DMD: variants seen among roughly 807,000 people sequenced by gnomAD.
DMD encodes the protein dystrophin.
A neutral mutation model predicts 330.1 loss-of-function variants in DMD; 63 were observed. The observed-to-expected ratio is 0.19, with a 90% confidence interval of 0.16 to 0.24. The LOEUF is 0.24. Ranked by LOEUF, DMD falls within the 10% of genes least tolerant of loss-of-function variation. DMD has a pLI of 1.00. For synonymous variants in DMD, 1,223 were observed against 959.8 expected (o/e 1.27, Z -5.07); for missense variants, 3,344 against 2,684.1 (o/e 1.25, Z -5.43).
chrX:32,689,030 T>C (rs1386334276), intron 9 of DMD, among the ~76,000 whole-genome samples: 1 of 111,218 alleles, frequency 9.0e-6, no homozygotes, highest in Non-Finnish European at 1.9e-5. Flanking sequence ...AAGATTTTTT[T>C]GAAGATCAGA....
In DMD at chrX:33,009,221, C is replaced by T. The variant is rs1209148385; in HGVS notation, c.93+10918G>A. On this transcript the variant is annotated intron_variant, in intron 2 of 78. Transcript: ENST00000357033. ...ATATGTGTATATATACACATATGTG[C>T]ATATATGTGTATATATACACATGTG... Among the ~76,000 whole-genome samples the T allele has an allele frequency of 1.2e-3, 32 of 27,760 alleles. 6 individuals carry two copies. Among genetic ancestry groups the T allele is most frequent in the Non-Finnish European group, 1.9e-3 (26 of 13,942 alleles). The allele number at this position is 27,760 out of a possible 115,157, so 24.1% of individuals were successfully genotyped here.
chrX:32,234,103 G>A (rs1407333307), intron 43 of DMD, among the ~76,000 whole-genome samples: 1 of 111,561 alleles, frequency 9.0e-6, no homozygotes, highest in African/African-American at 3.3e-5. Context: ...CAGCAGGGAC[G>A]GCAGTGGTGA....
chrX:32,429,387 GTTTTTTTTTT>G (rs10692022), intron 29 of DMD, among the ~76,000 whole-genome samples: 23 of 44,202 alleles, frequency 5.2e-4, no homozygotes, highest in African/African-American at 1.9e-3. Context: ...TTTTTTTTGG[GTTTTTTTTTT>G]TTTTTTTTTT....
chrX:31,581,860 C>A (rs1316993704), intron 55 of DMD, among the ~76,000 whole-genome samples: 1 of 111,637 alleles, frequency 9.0e-6, no homozygotes, highest in East Asian at 2.8e-4. Flanking sequence ...CAGATGTTGA[C>A]CGTAAATTTC....
chrX:32,433,396 G>A (rs1210596250), intron 29 of DMD, among the ~76,000 whole-genome samples: 1 of 111,509 alleles, frequency 9.0e-6, no homozygotes, highest in Non-Finnish European at 1.9e-5. Flanking sequence ...ACCATATATC[G>A]GCCGGATGCG....
chrX:32,657,739 A>G (rs1352357173), intron 9 of DMD, among the ~76,000 whole-genome samples: 1 of 112,182 alleles, frequency 8.9e-6, no homozygotes, highest in Non-Finnish European at 1.9e-5. Context: ...AATTTAATTT[A>G]AAATAGGATA....
At chrX:31,407,641 T>A (rs1358952738) in intron 60 of DMD, among the ~76,000 whole-genome samples, 1 of 81,235 alleles carries the variant, frequency 1.2e-5, no homozygotes, top group Non-Finnish European at 2.2e-5. Flanking sequence ...CTGGCTAATT[T>A]TTTGTATTTT....
At chrX:32,876,093 C>T (rs2083355034) in intron 2 of DMD, among the ~76,000 whole-genome samples, 1 of 111,698 alleles carries the variant, frequency 9.0e-6, no homozygotes, top group Non-Finnish European at 1.9e-5. Flanking sequence ...CCCATCAATA[C>T]ATCAAAGACA....
intron 43 of DMD, among the ~76,000 whole-genome samples, chrX:32,225,250 C>A (rs1393574496): frequency 9.0e-6 from 1 of 111,514 alleles, no homozygotes; most frequent in African/African-American, 3.3e-5. Context: ...CTCAACTCTG[C>A]CTTGAAGTTC....
intron 16 of DMD, among the ~76,000 whole-genome samples, chrX:32,552,373 G>C (rs2049669219): frequency 9.0e-6 from 1 of 110,740 alleles, no homozygotes; most frequent in African/African-American, 3.3e-5. Flanking sequence ...ATGGGAAAAG[G>C]ACTGCCTATT....
chrX:32,864,475 T>A (rs1007188771), intron 2 of DMD, among the ~76,000 whole-genome samples: 4 of 112,479 alleles, frequency 3.6e-5, no homozygotes, highest in Admixed American at 9.5e-5. Context: ...GATAGTTTAA[T>A]ATATCTTTTC....
chrX:33,112,994 A>G (rs1164033381), intron 1 of DMD, among the ~76,000 whole-genome samples: 1 of 110,397 alleles, frequency 9.1e-6, no homozygotes, highest in Non-Finnish European at 1.9e-5. Context: ...TTAATTGCAT[A>G]CAAAAAAGAA....
At chrX:31,624,246 A>G (rs763736388) in intron 55 of DMD, among the ~76,000 whole-genome samples, 2 of 112,011 alleles carry the variant, frequency 1.8e-5, no homozygotes, top group Non-Finnish European at 3.8e-5. Flanking sequence ...AAATAACAAT[A>G]TTTATAAGAA....
At chrX:32,402,693 T>C (rs1466862922) in intron 30 of DMD, among the ~76,000 whole-genome samples, 2 of 111,815 alleles carry the variant, frequency 1.8e-5, no homozygotes, top group Non-Finnish European at 3.8e-5. Flanking sequence ...GTCTTTCCTT[T>C]TCATGTGAAG....
At chrX:32,353,386 C>T (rs1334670313) in intron 37 of DMD, among the ~76,000 whole-genome samples, 6 of 111,758 alleles carry the variant, frequency 5.4e-5, no homozygotes, top group Non-Finnish European at 1.1e-4. Flanking sequence ...ACAGCTCATT[C>T]TTGAGTCACC....
chrX:31,947,098 C>T (rs902110879), intron 45 of DMD, among the ~76,000 whole-genome samples: 5 of 111,519 alleles, frequency 4.5e-5, no homozygotes, highest in African/African-American at 1.3e-4. Flanking sequence ...ACCTTAAATA[C>T]AGTGGATAAT....
chrX:32,955,322 G>T (rs1441758092), intron 2 of DMD, among the ~76,000 whole-genome samples: 1 of 111,111 alleles, frequency 9.0e-6, no homozygotes, highest in Non-Finnish European at 1.9e-5. Flanking sequence ...TATGCTTGTT[G>T]GCCGCATGTA....
chrX:33,289,502 AT>A lies in DMD; in HGVS notation c.7+49756del, dbSNP rs201873096. Reference sequence around the variant, plus strand: ...CCAATTTACTCATTTTTCAAAAACTATTTTTTAAGTGTTTGTTTGACAATAA... The same window carrying A: ...CCAATTTACTCATTTTTCAAAAACTATTTTTAAGTGTTTGTTTGACAATAA... On this transcript the variant is annotated intron_variant, in intron 1 of 17. Coordinates refer to the DMD transcript ENST00000288447. Among the ~76,000 whole-genome samples the A allele has an allele frequency of 6.9e-3, 773 of 111,675 alleles. 8 individuals carry two copies. Among genetic ancestry groups the A allele is most frequent in the African/African-American group, 0.024 (751 of 30,785 alleles).
rs74379973 is a variant in DMD, at chrX:32,327,710, T to A, written c.5922+14390A>T. ...CCAGGAAATAATAGTCATTGTATTA[T>A]CCTATGGCAAGGATTCCAATATAAA... is the stretch of plus-strand genomic sequence containing the variant. On this transcript the variant is annotated intron_variant, in intron 41 of 78. Transcript: ENST00000357033. Among the ~76,000 whole-genome samples the A allele has an allele frequency of 9.9e-5, 11 of 111,522 alleles. No individual in the cohort carries two copies. In the East Asian group the frequency reaches 3.1e-3, roughly 32 times the overall value.
Sources: allele counts gnomAD v4.1 joint callset (sites outside exome capture counted in the v4.1 genomes callset), GRCh38; gene constraint gnomAD v4.1.1; transcripts MANE v1.5; gene names NCBI Gene and HGNC (gene_info 2026-07-23, HGNC 2026-07-21).